NBPF9: variants seen among roughly 807,000 people sequenced by gnomAD.
The protein encoded by NBPF9 is NBPF family member NBPF9.
A neutral mutation model predicts 97.8 loss-of-function variants in NBPF9; 91 were observed. The ratio of observed to expected loss-of-function variants is 0.93; its 90% CI spans 0.79 to 1.11. NBPF9 has a LOEUF of 1.11. NBPF9 is among the 50% of genes least tolerant of loss of function. The pLI, the probability that NBPF9 is intolerant of heterozygous loss-of-function variation, is 0.00. For synonymous variants in NBPF9, 334 were observed against 359.5 expected (o/e 0.93, Z 0.80); for missense variants, 992 against 939.5 (o/e 1.06, Z -0.73).
intron 11 of NBPF9, 97 bp from the exon 12 acceptor site, chr1:149,075,961 C>A: frequency 9.7e-7 from 1 of 1,026,326 alleles, no homozygotes; most frequent in Non-Finnish European, 1.5e-6. Context: ...GCCTTGTTTA[C>A]TTATTTGAAG....
At chr1:149,084,169 G>A (rs587624581) in intron 5 of NBPF9, among the ~76,000 whole-genome samples, 1 of 148,598 alleles carries the variant, frequency 6.7e-6, no homozygotes, top group South Asian at 2.1e-4. Context: ...AGGGCTGGGG[G>A]AGGGATAGCA....
rs1403186451 is a variant in NBPF9 at position 149,059,380 on chromosome 1, G to A, written c.2586-283C>T. Reference sequence around the variant, plus strand: ...AGGAGTAAAAGGACACTCTGAGTTCGTGCCCTCATGACACACAGCAAACTG... The same window carrying A: ...AGGAGTAAAAGGACACTCTGAGTTCATGCCCTCATGACACACAGCAAACTG... On this transcript the variant is annotated intron_variant, in intron 25 of 29. Transcript: ENST00000584027. 27 of 431,372 alleles carry A rather than the reference G, an allele frequency of 6.3e-5. 8 individuals carry two copies. The Middle Eastern group carries it at 5.2e-3, about 83-fold the overall frequency. The allele number at this position is 431,372 out of a possible 1,614,324, so 26.7% of individuals were successfully genotyped here. A position where few individuals can be genotyped will look rare whatever the true frequency, so the allele number is the denominator to read the frequency against.
exon 13 of NBPF9, chr1:149,073,851 G>A (rs2079620447): frequency 2.8e-6 from 4 of 1,450,204 alleles, no homozygotes; most frequent in East Asian, 4.7e-5. Flanking sequence ...ATTTTATGAG[G>A]TCTTTACACT....
intron 5 of NBPF9, among the ~76,000 whole-genome samples, chr1:149,085,568 G>T (rs1183691798): frequency 6.6e-6 from 1 of 152,094 alleles, no homozygotes; most frequent in Non-Finnish European, 1.5e-5. Context: ...TCCAATCAAT[G>T]AACATTATAT....
At chr1:149,072,827 C>G (rs782800707) in exon 14 of NBPF9, 2 of 1,599,464 alleles carry the variant, frequency 1.3e-6, no homozygotes, top group East Asian at 4.5e-5. Flanking sequence ...TGAGGAGGGC[C>G]TGGAGATGCT....
chr1:149,098,024 G>A (rs2081904512), intron 4 of NBPF9, among the ~76,000 whole-genome samples: 2 of 152,032 alleles, frequency 1.3e-5, no homozygotes, highest in East Asian at 3.9e-4. Flanking sequence ...CCTTAGCCTG[G>A]GGGATGCAGG....
intron 5 of NBPF9, among the ~76,000 whole-genome samples, chr1:149,084,926 G>A (rs2080864515): frequency 6.6e-6 from 1 of 151,562 alleles, no homozygotes; most frequent in South Asian, 2.1e-4. Context: ...CAAGACGCTA[G>A]GCCTGCTGAT....
chr1:149,076,647 C>A (rs1229163030), intron 11 of NBPF9, among the ~76,000 whole-genome samples: 1 of 149,396 alleles, frequency 6.7e-6, no homozygotes, highest in African/African-American at 2.4e-5. Flanking sequence ...GGACTACAGG[C>A]GCCCACCACC....
chr1:149,071,431 C>A (rs1273530728), intron 15 of NBPF9, among the ~76,000 whole-genome samples, 173 bp downstream of exon 15: 1 of 148,208 alleles, frequency 6.7e-6, no homozygotes, highest in East Asian at 2.3e-4. Flanking sequence ...ACTCGGCACA[C>A]ATAGAGAAAC....
chr1:149,094,891 A>G (rs2152923906), intron 4 of NBPF9, among the ~76,000 whole-genome samples: 1 of 146,480 alleles, frequency 6.8e-6, no homozygotes, highest in Non-Finnish European at 1.5e-5. Flanking sequence ...CTTAAATGAT[A>G]TTGACAGATT....
chr1:149,099,637 T>C (rs587694143), intron 3 of NBPF9, among the ~76,000 whole-genome samples: 15 of 152,326 alleles, frequency 9.8e-5, no homozygotes, highest in Middle Eastern at 6.8e-3. Flanking sequence ...TCATAAATAA[T>C]AGCTGTTAAG....
chr1:149,084,696 C>A (rs1167139619), intron 5 of NBPF9, among the ~76,000 whole-genome samples: 1 of 151,534 alleles, frequency 6.6e-6, no homozygotes, highest in African/African-American at 2.4e-5. Context: ...TCTGGGCCGC[C>A]GTCCCAGGGA....
chr1:149,064,085 A>G (rs1430361070), intron 19 of NBPF9, among the ~76,000 whole-genome samples: 1 of 138,042 alleles, frequency 7.2e-6, no homozygotes, highest in Non-Finnish European at 1.6e-5. Flanking sequence ...TGAGGGAGTC[A>G]AAGGACACTC....
At chr1:149,103,476 T>A (rs1285586692) in exon 1 of NBPF9, 1 of 152,308 alleles carries the variant, frequency 6.6e-6, no homozygotes, top group African/African-American at 2.4e-5. Flanking sequence ...CCCCTCCCAA[T>A]ATCGCCGCTG....
exon 10 of NBPF9, chr1:149,077,926 G>C (rs1245696516): frequency 6.6e-7 from 1 of 1,523,840 alleles, no homozygotes; most frequent in Non-Finnish European, 9.1e-7. Flanking sequence ...TCCTCAACTT[G>C]AACATCTTCA....
intron 10 of NBPF9, 48 bp downstream of exon 10, chr1:149,077,835 T>A (rs2080034428): frequency 1.9e-6 from 3 of 1,596,248 alleles, no homozygotes; most frequent in African/African-American, 1.3e-5. Flanking sequence ...CTCCTAGACA[T>A]CTTCATATGT....
intron 5 of NBPF9, among the ~76,000 whole-genome samples, chr1:149,082,782 CTTT>C (rs370955624): frequency 1.4e-5 from 2 of 140,228 alleles, no homozygotes; most frequent in South Asian, 4.6e-4. Flanking sequence ...CTTGTTTTGA[CTTT>C]TTTTTTTTTT....
rs1194931864 is a variant in NBPF9, at chr1:149,059,366, G to C, written c.2586-269C>G. On this transcript the variant is annotated intron_variant, in intron 25 of 29. Transcript: ENST00000584027. ...TGACACACTGATGAAGGAGTAAAAG[G>C]ACACTCTGAGTTCGTGCCCTCATGA... 3 of 446,668 alleles carry C rather than the reference G, an allele frequency of 6.7e-6. 1 individual carries two copies. In the African/African-American group the frequency reaches 7.4e-5, roughly 11 times the overall value. The allele number at this position is 446,668 out of a possible 1,614,324, so 27.7% of individuals were successfully genotyped here.
chr1:149,062,996 G>T, intron 20 of NBPF9, 83 bp from the exon 21 acceptor site: 1 of 638,624 alleles, frequency 1.6e-6, no homozygotes, highest in South Asian at 1.8e-5. Context: ...CCTCACACAG[G>T]GACTTCAGGC....
Sources: gnomAD v4.1 joint callset for allele counts (sites outside exome capture counted in the v4.1 genomes callset) on GRCh38, gnomAD v4.1.1 for gene constraint, MANE v1.5 for transcripts, NCBI Gene and HGNC (gene_info 2026-07-23, HGNC 2026-07-21) for gene names.